The following SLC35F3 variants were observed in gnomAD, a reference collection of about 807,000 sequenced individuals.
SLC35F3 encodes the protein solute carrier family 35 member F3, also known as putative thiamine transporter SLC35F3.
In SLC35F3, 25 loss-of-function variants were observed where a neutral mutation model predicts 49.9. The ratio of observed to expected loss-of-function variants is 0.50; its 90% CI spans 0.37 to 0.70. The LOEUF (loss-of-function observed/expected upper bound fraction) is 0.70. Ranked by LOEUF, SLC35F3 falls within the 30% of genes least tolerant of loss-of-function variation. The probability of loss-of-function intolerance (pLI) is 0.00; values close to 1 mark genes in which losing one functional copy is unlikely to be tolerated. For missense variants in SLC35F3, 525 were observed against 639.8 expected, an observed-to-expected ratio of 0.82 and a Z score of 1.94; for synonymous variants, 275 against 265.4, an observed-to-expected ratio of 1.04 and a Z score of -0.35.
rs1553264750 is a variant in SLC35F3, at chr1:234,320,399, C to CA, written c.1237+221dup. Among the ~76,000 whole-genome samples, 78 of 147,986 alleles carry CA rather than the reference C, an allele frequency of 5.3e-4. No individual in the cohort carries two copies. In the East Asian group the frequency reaches 5.5e-3, roughly 10 times the overall value. ...ATAGAATGCGTGTTTAACTGTCTGC[C>CA]AAAAAAAAAGCATTTAGGTGAAATG... On this transcript the variant is annotated intron_variant, in intron 7 of 7. Coordinates refer to ENST00000366618, the MANE Select transcript of SLC35F3 (RefSeq NM_173508.4). This position sits in a 1 kb window ranked among gnomAD's most constrained non-coding sequence, Gnocchi z 4.8.
At position 234,214,696 on chromosome 1, in the gene SLC35F3, G is replaced by C. The variant is rs1391803433; in HGVS notation, c.284-16721G>C. The C allele has an allele frequency of 2.3e-6, 3 of 1,302,722 alleles. No homozygotes were observed. The highest frequency in any genetic ancestry group is 3.0e-6 in the Non-Finnish European group (3 of 993,026). 80.7% of individuals were successfully genotyped at this position (1,302,722 alleles called of 1,614,324 possible). The stretch of plus-strand genomic sequence containing the variant: ...GGGGGTACTGCTCCCCCAGGACGCG[G>C]CTCCGCAGTGCAGAGCGCCGCCGCC... On this transcript the variant is annotated intron_variant, in intron 2 of 7. Transcript: ENST00000366618. The surrounding 1 kb of genome is among the most constrained non-coding windows in gnomAD (Gnocchi z 8.0).
intron 2 of SLC35F3, among the ~76,000 whole-genome samples, chr1:234,070,858 A>C (rs1003917524): frequency 3.3e-5 from 5 of 152,202 alleles, no homozygotes; most frequent in African/African-American, 1.2e-4. Flanking sequence ...ATAAATAATT[A>C]ATGCTCCTCT....
At chr1:233,944,908 G>A (rs189169015) in intron 2 of SLC35F3, among the ~76,000 whole-genome samples, 76 of 152,206 alleles carry the variant, frequency 5.0e-4, no homozygotes, top group Admixed American at 1.2e-3. Context: ...AAATGACACC[G>A]ATGGAACCTG....
intron 2 of SLC35F3, among the ~76,000 whole-genome samples, chr1:234,067,334 T>G (rs1311719107): frequency 6.6e-6 from 1 of 152,220 alleles, no homozygotes; most frequent in Admixed American, 6.5e-5. Flanking sequence ...AATTCTAACT[T>G]ACTATATTAG....
intron 2 of SLC35F3, among the ~76,000 whole-genome samples, chr1:234,216,773 G>A (rs1198754007): frequency 1.3e-5 from 2 of 152,200 alleles, no homozygotes; most frequent in African/African-American, 2.4e-5. Context: ...TAAAAGAGAA[G>A]GAACAACCTA....
chr1:234,220,046 G>A (rs1261772265), intron 2 of SLC35F3, among the ~76,000 whole-genome samples: 1 of 152,174 alleles, frequency 6.6e-6, no homozygotes, highest in Non-Finnish European at 1.5e-5. Flanking sequence ...CAGATGCTGA[G>A]GCATCCTGAA....
chr1:233,955,878 CTTTTTT>C (rs869035917), intron 2 of SLC35F3, among the ~76,000 whole-genome samples: 1 of 48,104 alleles, frequency 2.1e-5, no homozygotes, highest in Non-Finnish European at 3.6e-5. Flanking sequence ...GTGTGGGTAT[CTTTTTT>C]TTTTTTTTTT....
chr1:234,231,277 G>C lies in SLC35F3; in HGVS notation c.284-140G>C. The C allele has an allele frequency of 1.5e-6, 1 of 666,382 alleles. No homozygotes were observed. The highest frequency in any genetic ancestry group is 2.5e-6 in the Non-Finnish European group (1 of 404,286). 41.3% of individuals were successfully genotyped at this position (666,382 alleles called of 1,614,324 possible). A position where few individuals can be genotyped will look rare whatever the true frequency, so the allele number is the denominator to read the frequency against. On this transcript the variant is annotated intron_variant, in intron 2 of 7. Transcript: ENST00000366618. This position sits in a 1 kb window ranked among gnomAD's most constrained non-coding sequence, Gnocchi z 5.4. ...TATTGCAGCTTGCTGTCACACAGCC[G>C]CCCTGGAAGCCGCCCCTGCACCCGC...
intron 2 of SLC35F3, among the ~76,000 whole-genome samples, chr1:234,091,153 T>A (rs1439530981): frequency 6.6e-6 from 1 of 152,222 alleles, no homozygotes; most frequent in African/African-American, 2.4e-5. Flanking sequence ...CTTCATTCAT[T>A]CCCACTAACC....
intron 2 of SLC35F3, among the ~76,000 whole-genome samples, chr1:233,954,212 T>C (rs1392761327): frequency 6.6e-6 from 1 of 152,192 alleles, no homozygotes; most frequent in Non-Finnish European, 1.5e-5. Context: ...TTCGCCGTGT[T>C]AGCCAGGATG....
chr1:234,251,648 T>C (rs1005894841), intron 3 of SLC35F3, among the ~76,000 whole-genome samples: 3 of 152,130 alleles, frequency 2.0e-5, no homozygotes, highest in African/African-American at 7.2e-5. Context: ...TCCAAATGTT[T>C]GTTTTAGGAA....
chr1:234,322,308 A>G (rs2103000148), intron 7 of SLC35F3, among the ~76,000 whole-genome samples: 1 of 152,328 alleles, frequency 6.6e-6, no homozygotes, highest in South Asian at 2.1e-4. Flanking sequence ...CTTAACTACT[A>G]ATGGGGTACT....
chr1:234,183,469 A>G (rs1272250035), intron 2 of SLC35F3, among the ~76,000 whole-genome samples: 1 of 142,856 alleles, frequency 7.0e-6, no homozygotes, highest in Non-Finnish European at 1.5e-5. Context: ...ATGTATTCCA[A>G]TTTTTTAAAG....
intron 2 of SLC35F3, among the ~76,000 whole-genome samples, chr1:234,172,034 ATCT>A (rs1248944294): frequency 6.6e-6 from 1 of 151,968 alleles, no homozygotes; most frequent in African/African-American, 2.4e-5. Flanking sequence ...TGTCCAGCTC[ATCT>A]TCTTTTTAGC....
At chr1:234,165,945 G>C (rs1666312117) in intron 2 of SLC35F3, among the ~76,000 whole-genome samples, 1 of 152,100 alleles carries the variant, frequency 6.6e-6, no homozygotes. Flanking sequence ...GTGAGAACAT[G>C]CGGTATTTGG....
intron 3 of SLC35F3, among the ~76,000 whole-genome samples, chr1:234,242,530 C>T (rs571623631): frequency 4.6e-5 from 7 of 152,174 alleles, no homozygotes; most frequent in African/African-American, 1.4e-4. Context: ...TAGCTGAGTT[C>T]GTTAAAAAAG....
In SLC35F3 at chr1:234,214,187, T is replaced by TG. The variant is rs1667079999; in HGVS notation, c.284-17227dup. On this transcript the variant is annotated intron_variant, in intron 2 of 7. Coordinates refer to ENST00000366618, the MANE Select transcript of SLC35F3 (RefSeq NM_173508.4). The surrounding 1 kb of genome is among the most constrained non-coding windows in gnomAD (Gnocchi z 8.0). ...AGGGCGGAGCAGGTGAGCTGCGGGG[T>TG]GGGAGCAGGGAGTGCACTTGTACGT... 9.1e-7 allele frequency: 1 copy of TG among 1,104,654 alleles called. No individual in the cohort carries two copies. The highest frequency in any genetic ancestry group is 1.1e-6 in the Non-Finnish European group (1 of 907,298). The allele number at this position is 1,104,654 out of a possible 1,614,324, so 68.4% of individuals were successfully genotyped here.
At chr1:233,987,745 T>A (rs1663289577) in intron 2 of SLC35F3, among the ~76,000 whole-genome samples, 1 of 152,194 alleles carries the variant, frequency 6.6e-6, no homozygotes, top group Non-Finnish European at 1.5e-5. Flanking sequence ...CTGGACCACC[T>A]GTTACTCAGA....
chr1:234,136,901 T>C (rs1341735871), intron 2 of SLC35F3, among the ~76,000 whole-genome samples: 1 of 152,226 alleles, frequency 6.6e-6, no homozygotes, highest in African/African-American at 2.4e-5. Flanking sequence ...GCCACCGCTT[T>C]GGTAGTTGAT....
Sources: allele counts gnomAD v4.1 joint callset (sites outside exome capture counted in the v4.1 genomes callset), GRCh38; gene constraint gnomAD v4.1.1; non-coding constraint Gnocchi (gnomAD v3.1); transcripts MANE v1.5; gene names NCBI Gene and HGNC (gene_info 2026-07-23, HGNC 2026-07-21).